Variants in DLGAP2 observed in about 807,000 individuals in gnomAD.
DLGAP2 encodes DLG associated protein 2.
Under a neutral mutation model 100.3 loss-of-function variants are expected in DLGAP2, and 26 were observed. The ratio of observed to expected loss-of-function variants is 0.26; its 90% CI spans 0.19 to 0.36. The LOEUF is 0.36. DLGAP2 is among the 10% of genes least tolerant of loss of function. The pLI is 1.00. For synonymous variants in DLGAP2, 886 were observed against 630.1 expected, an observed-to-expected ratio of 1.41 and a Z score of -6.08; for missense variants, 1,858 against 1,453.2, an observed-to-expected ratio of 1.28 and a Z score of -4.53.
At chr8:1,454,172 G>A (rs540996055) in intron 3 of DLGAP2, among the ~76,000 whole-genome samples, 1 of 152,324 alleles carries the variant, frequency 6.6e-6, no homozygotes. Flanking sequence ...AACCCTCTGT[G>A]GATGTGTGTG....
At chr8:1,367,991 C>T (rs1802147084) in intron 3 of DLGAP2, among the ~76,000 whole-genome samples, 5 of 152,222 alleles carry the variant, frequency 3.3e-5, no homozygotes, top group Admixed American at 2.6e-4. Flanking sequence ...CACCTCCCTC[C>T]TCAGTCACCA....
At chr8:1,201,438 G>T (rs1048982828) in intron 2 of DLGAP2, among the ~76,000 whole-genome samples, 1 of 152,152 alleles carries the variant, frequency 6.6e-6, no homozygotes, top group Non-Finnish European at 1.5e-5. Context: ...TGAAGACGCC[G>T]AGAGGACCTG....
intron 2 of DLGAP2, among the ~76,000 whole-genome samples, chr8:1,023,583 A>C (rs1801689247): frequency 6.6e-6 from 1 of 152,062 alleles, no homozygotes; most frequent in South Asian, 2.1e-4. Flanking sequence ...CGTGTGTTTC[A>C]GCGCAACAGT....
chr8:901,608 A>G (rs533425154), intron 1 of DLGAP2, among the ~76,000 whole-genome samples: 14 of 152,288 alleles, frequency 9.2e-5, no homozygotes, highest in Middle Eastern at 3.4e-3. Context: ...AGGGGTTCAG[A>G]GGAGAGCAGT....
intron 3 of DLGAP2, among the ~76,000 whole-genome samples, chr8:1,337,476 G>A (rs1304631310): frequency 6.6e-6 from 1 of 152,076 alleles, no homozygotes; most frequent in Non-Finnish European, 1.5e-5. Flanking sequence ...TGAGGATGAT[G>A]GGGATGGGGA....
chr8:1,298,032 AG>A (rs1800230518), intron 3 of DLGAP2, among the ~76,000 whole-genome samples: 4 of 29,530 alleles, frequency 1.4e-4, no homozygotes, highest in East Asian at 6.0e-4. Flanking sequence ...GAAACGTGGC[AG>A]GCGTGAACAG....
At chr8:1,276,738 T>C (rs535867355) in intron 3 of DLGAP2, among the ~76,000 whole-genome samples, 2 of 152,326 alleles carry the variant, frequency 1.3e-5, no homozygotes, top group African/African-American at 4.8e-5. Flanking sequence ...CTTGGTTTTC[T>C]TTAAATGTAG....
rs1021116191 is a variant in DLGAP2, at chr8:752,554, G to A, written c.18+14729G>A. Reference sequence around the variant, plus strand: ...GGGTCAGCACCAGCCGCCTATGCTTGGTGTGGAGTCAGAAGGAGGGGATGG... The same window carrying A: ...GGGTCAGCACCAGCCGCCTATGCTTAGTGTGGAGTCAGAAGGAGGGGATGG... On this transcript the variant is annotated intron_variant, in intron 1 of 14. Transcript: ENST00000637795. Among the ~76,000 whole-genome samples, 7 of 152,198 alleles carry A rather than the reference G, an allele frequency of 4.6e-5. No homozygotes were observed. In the East Asian group the frequency reaches 7.7e-4, roughly 17 times the overall value.
intron 6 of DLGAP2, among the ~76,000 whole-genome samples, chr8:1,583,731 A>T (rs1796024546): frequency 6.6e-6 from 1 of 152,046 alleles, no homozygotes; most frequent in Admixed American, 6.6e-5. Context: ...CCTCTCGGCC[A>T]CCAGCTCCAA....
At chr8:1,168,449 TCG>T (rs1797062849) in intron 2 of DLGAP2, among the ~76,000 whole-genome samples, 1 of 150,634 alleles carries the variant, frequency 6.6e-6, no homozygotes, top group African/African-American at 2.4e-5. Flanking sequence ...CCCTGAGGAA[TCG>T]CCACACTGAC....
intron 2 of DLGAP2, among the ~76,000 whole-genome samples, chr8:1,029,590 C>T (rs1326920607): frequency 7.6e-6 from 1 of 131,348 alleles, no homozygotes; most frequent in East Asian, 2.5e-4. Flanking sequence ...CAAGGGCGTC[C>T]AGTGGTGCCA....
chr8:1,594,527 A>G (rs1385734268), intron 6 of DLGAP2, among the ~76,000 whole-genome samples: 3 of 152,160 alleles, frequency 2.0e-5, no homozygotes, highest in African/African-American at 7.2e-5. Context: ...CAACATCGTT[A>G]CAAATAATTC....
At chr8:1,261,453 C>T (rs948908010) in intron 3 of DLGAP2, among the ~76,000 whole-genome samples, 2 of 151,426 alleles carry the variant, frequency 1.3e-5, no homozygotes, top group Non-Finnish European at 2.9e-5. Flanking sequence ...GGCAGGTCAG[C>T]TTCCAGATCT....
chr8:1,557,980 G>A (rs1396416664), intron 5 of DLGAP2, among the ~76,000 whole-genome samples: 1 of 152,210 alleles, frequency 6.6e-6, no homozygotes, highest in African/African-American at 2.4e-5. Context: ...TCCCAAGGAG[G>A]GGTGTGGGGA....
At chr8:1,415,195 T>A (rs1042387615) in intron 3 of DLGAP2, among the ~76,000 whole-genome samples, 1 of 152,238 alleles carries the variant, frequency 6.6e-6, no homozygotes, top group African/African-American at 2.4e-5. Flanking sequence ...TGTCTATCTT[T>A]AATCTGTGAA....
intron 2 of DLGAP2, among the ~76,000 whole-genome samples, chr8:1,165,328 G>A (rs867145644): frequency 1.5e-4 from 23 of 152,230 alleles, no homozygotes; most frequent in African/African-American, 4.6e-4. Flanking sequence ...CGCGCATACA[G>A]CATCAGCCCT....
chr8:1,363,915 G>T (rs1315720514), intron 3 of DLGAP2, among the ~76,000 whole-genome samples: 3 of 152,144 alleles, frequency 2.0e-5, no homozygotes. Context: ...CCGGCTGGGG[G>T]GTCCCTCCCT....
chr8:1,288,216 T>TGG (rs1799984254), intron 3 of DLGAP2, among the ~76,000 whole-genome samples: 1 of 79,064 alleles, frequency 1.3e-5, no homozygotes, highest in South Asian at 4.2e-4. Flanking sequence ...TGTGTGTGTG[T>TGG]GGTTAGGAGG....
chr8:1,278,263 G>C (rs992338710), intron 3 of DLGAP2, among the ~76,000 whole-genome samples: 1 of 152,176 alleles, frequency 6.6e-6, no homozygotes, highest in African/African-American at 2.4e-5. Flanking sequence ...TGGAAAAGAA[G>C]ATCTATATTC....
Sources: gnomAD v4.1 joint callset for allele counts (sites outside exome capture counted in the v4.1 genomes callset) on GRCh38, gnomAD v4.1.1 for gene constraint, MANE v1.5 for transcripts, NCBI Gene and HGNC (gene_info 2026-07-23, HGNC 2026-07-21) for gene names.